Variants in PKD1L3 observed in about 807,000 individuals in gnomAD.
PKD1L3 encodes polycystin-1-like protein 3.
In PKD1L3, 239 loss-of-function variants were observed where a neutral mutation model predicts 184.1. That is an observed-to-expected ratio of 1.30 (90% CI 1.17 to 1.45). PKD1L3 has a LOEUF of 1.45. Among genes scored for constraint, PKD1L3 ranks in the 40% most tolerant of loss-of-function variants. The probability of loss-of-function intolerance (pLI) is 0.00; values close to 1 mark genes in which losing one functional copy is unlikely to be tolerated. For missense variants in PKD1L3, 2,660 were observed against 2,067.2 expected (o/e 1.29, Z -5.56); for synonymous variants, 996 against 778.8 (o/e 1.28, Z -4.64).
At chr16:71,989,024 C>A (rs1162293772) in intron 4 of PKD1L3, among the ~76,000 whole-genome samples, 2 of 152,198 alleles carry the variant, frequency 1.3e-5, no homozygotes, top group African/African-American at 4.8e-5. Flanking sequence ...TGTTTTTGCA[C>A]CTGCCATTTT....
At position 71,930,272 on chromosome 16, in the gene PKD1L3, T is replaced by C. The variant is rs16973496; in HGVS notation, c.4927-89A>G. The C allele has an allele frequency of 0.016, 21,161 of 1,320,156 alleles. 2,377 individuals are homozygous for C. In the African/African-American group the frequency reaches 0.26, roughly 16 times the overall value. The allele number at this position is 1,320,156 out of a possible 1,614,324, so 81.8% of individuals were successfully genotyped here. ...CTATATGCTAGTGTTTGGGATCTTA[T>C]CAGAAGAAAAGCTTATCCGAAGGAA... is the stretch of plus-strand genomic sequence containing the variant. On this transcript the variant is annotated intron_variant, in intron 28 of 29. Transcript: ENST00000620267.
intron 26 of PKD1L3, among the ~76,000 whole-genome samples, chr16:71,934,637 T>C (rs576913800): frequency 1.8e-4 from 27 of 152,292 alleles, no homozygotes; most frequent in African/African-American, 6.5e-4. Context: ...CAATTAGGTT[T>C]TGTTTTGAGA....
chr16:71,969,827 A>C (rs1333451198), intron 13 of PKD1L3, 48 bp downstream of exon 13: 1 of 1,471,724 alleles, frequency 6.8e-7, no homozygotes, highest in African/African-American at 1.4e-5. Flanking sequence ...ATCTTATTTA[A>C]TTACTCAAAA....
rs1187418022 is a variant in PKD1L3, at chr16:71,999,756, C to A, written c.223G>T (p.Glu75Ter). 1 of 1,551,636 alleles carries A rather than the reference C, an allele frequency of 6.4e-7. No individual in the cohort carries two copies. Among genetic ancestry groups the A allele is most frequent in the East Asian group, 2.4e-5 (1 of 40,932 alleles). Residue 75 changes from glutamate to a stop codon, truncating the protein, a stop_gained, in exon 1 of 30, where the codon GAA becomes TAA. Coordinates refer to ENST00000620267, the MANE Select transcript of PKD1L3 (RefSeq NM_181536.2). LOFTEE classifies it high-confidence loss of function. Reference sequence around the variant, plus strand: ...CCAATCCACCACTTCTTTCCTTCTTCCAGATAGTCCCGGATGAGATCTTGA... The same window carrying A: ...CCAATCCACCACTTCTTTCCTTCTTACAGATAGTCCCGGATGAGATCTTGA... ...EVQDLIRDYL[E>*]EGKKWWIGQN... is the part of the protein sequence containing the mutation.
intron 4 of PKD1L3, among the ~76,000 whole-genome samples, 195 bp downstream of exon 4, chr16:71,990,085 C>CAAA (rs34692174): frequency 1.7e-5 from 2 of 119,146 alleles, no homozygotes; most frequent in Non-Finnish European, 1.8e-5. Flanking sequence ...TCTCTCCCAC[C>CAAA]AAAAAAAAAA....
In PKD1L3 at chr16:71,993,190, A is replaced by C; in HGVS notation, c.535+26T>G. On this transcript the variant is annotated intron_variant, in intron 3 of 29. Coordinates refer to ENST00000620267, the MANE Select transcript of PKD1L3 (RefSeq NM_181536.2). ...CAGAAATTGATTCCACGGATTTTTA[A>C]GGTTACTAGAGGAGTAACGCATTAC... 5 of 1,425,982 alleles carry C rather than the reference A, an allele frequency of 3.5e-6. No individual in the cohort carries two copies. In the South Asian group the frequency reaches 6.5e-5, roughly 19 times the overall value. The allele number at this position is 1,425,982 out of a possible 1,614,324, so 88.3% of individuals were successfully genotyped here. A position where few individuals can be genotyped will look rare whatever the true frequency, so the allele number is the denominator to read the frequency against.
chr16:71,967,612 G>A (rs1006673588), intron 14 of PKD1L3, among the ~76,000 whole-genome samples: 15 of 151,990 alleles, frequency 9.9e-5, no homozygotes, highest in Middle Eastern at 3.2e-3. Flanking sequence ...TTATAGTCAT[G>A]GGCCATCACG....
chr16:71,976,418 T>G (rs1010846458), intron 11 of PKD1L3, among the ~76,000 whole-genome samples: 1 of 150,396 alleles, frequency 6.6e-6, no homozygotes, highest in African/African-American at 2.4e-5. Context: ...ACCACACCCA[T>G]CTAATTTTTT....
intron 25 of PKD1L3, among the ~76,000 whole-genome samples, chr16:71,936,290 C>G (rs1234466241): frequency 1.3e-5 from 2 of 150,622 alleles, no homozygotes; most frequent in Admixed American, 1.3e-4. Flanking sequence ...ACTGCAACCT[C>G]TGCCTCCCAG....
Position 71,979,891 on chromosome 16 carries a change from C to T in PKD1L3, c.1293G>A (p.Pro431=), listed in dbSNP as rs369184205. 54 of 1,549,592 alleles carry T rather than the reference C, an allele frequency of 3.5e-5. No individual in the cohort carries two copies. In the Middle Eastern group the frequency reaches 5.0e-4, roughly 14 times the overall value. ...GGTGACCCAGAGTGTAAGAGCTCAG[C>T]GGTAAAGTTGATATGTTTTGTCTAA... is the stretch of plus-strand genomic sequence containing the variant. ...LLSRQNISTL[P]LSSYTLGHPA... The change falls in exon 9 of 30, where the codon CCG becomes CCA. Residue 431 remains proline, a synonymous_variant. Transcript: ENST00000620267.
At position 71,979,767 on chromosome 16, in the gene PKD1L3, C is replaced by G. The variant is rs2040075770; in HGVS notation, c.1398+19G>C. On this transcript the variant is annotated intron_variant, in intron 9 of 29. Transcript: ENST00000620267. ...TCAGATCCCATTTTCATTCTGATCA[C>G]AATCAATTTCACACTCACTTGGACA... is the stretch of plus-strand genomic sequence containing the variant. 1.4e-6 allele frequency: 2 copies of G among 1,479,658 alleles called. No homozygotes were observed. Among genetic ancestry groups the G allele is most frequent in the Non-Finnish European group, 1.8e-6 (2 of 1,118,662 alleles). The allele number at this position is 1,479,658 out of a possible 1,614,324, so 91.7% of individuals were successfully genotyped here.
rs2037880170 is a variant in PKD1L3, at chr16:71,930,105, GATTA to G, written c.5001_5004del (p.Asn1668PhefsTer23). 2 of 1,551,614 alleles carry G rather than the reference GATTA, an allele frequency of 1.3e-6. No individual in the cohort carries two copies. The highest frequency in any genetic ancestry group is 2.4e-5 in the East Asian group (1 of 40,916). On this transcript the variant is annotated frameshift_variant, in exon 29 of 30. Transcript: ENST00000620267. LOFTEE classifies it high-confidence loss of function. Reference sequence around the variant, plus strand: ...GCCATGAGAATGGCCGAAACGAAAAGATTAATTACCACAAGTACCATCAAGATGA... The same window carrying G: ...GCCATGAGAATGGCCGAAACGAAAAGATTACCACAAGTACCATCAAGATGA...
intron 24 of PKD1L3, among the ~76,000 whole-genome samples, chr16:71,941,046 C>T (rs2038342325): frequency 6.6e-6 from 1 of 151,978 alleles, no homozygotes; most frequent in Non-Finnish European, 1.5e-5. Flanking sequence ...CCATGTTGCC[C>T]AGGCTGGTCT....
intron 25 of PKD1L3, among the ~76,000 whole-genome samples, 179 bp downstream of exon 25, chr16:71,937,113 T>C (rs1267674264): frequency 6.6e-6 from 1 of 152,100 alleles, no homozygotes; most frequent in African/African-American, 2.4e-5. Flanking sequence ...TGAAGTGCAG[T>C]GGCGTGATCT....
At chr16:71,976,146 C>G (rs976234591) in intron 11 of PKD1L3, among the ~76,000 whole-genome samples, 1 of 151,660 alleles carries the variant, frequency 6.6e-6, no homozygotes, top group Non-Finnish European at 1.5e-5. Context: ...TGGGGTTTCA[C>G]CGTGTGGGCC....
chr16:71,945,965 T>C (rs1340332600), intron 22 of PKD1L3, among the ~76,000 whole-genome samples: 3 of 152,130 alleles, frequency 2.0e-5, no homozygotes, highest in African/African-American at 7.2e-5. Context: ...AGGCAATTTA[T>C]TATTATTTTT....
intron 4 of PKD1L3, 93 bp downstream of exon 4, chr16:71,990,187 G>T: frequency 9.0e-7 from 1 of 1,109,486 alleles, no homozygotes; most frequent in Non-Finnish European, 1.2e-6. Flanking sequence ...ACTATATTCA[G>T]AACACTCTAC....
chr16:71,932,405 AGTT>A (rs1217772501), intron 28 of PKD1L3, among the ~76,000 whole-genome samples: 9 of 152,356 alleles, frequency 5.9e-5, no homozygotes, highest in Admixed American at 5.9e-4. Flanking sequence ...TGAAGTGAGT[AGTT>A]ATTAACTCAA....
At chr16:71,935,555 A>G in intron 25 of PKD1L3, 37 bp from the exon 26 acceptor site, 1 of 1,541,946 alleles carries the variant, frequency 6.5e-7, no homozygotes, top group Non-Finnish European at 8.8e-7. Context: ...TGCTTGTCTG[A>G]GAGATTAGCT....
Sources: gnomAD v4.1 joint callset for allele counts (sites outside exome capture counted in the v4.1 genomes callset) on GRCh38, gnomAD v4.1.1 for gene constraint, MANE v1.5 for transcripts, NCBI Gene and HGNC (gene_info 2026-07-23, HGNC 2026-07-21) for gene names.